MIB1: variants seen among roughly 807,000 people sequenced by gnomAD.
MIB1 encodes the protein MIB E3 ubiquitin protein ligase 1.
A neutral mutation model predicts 124.5 loss-of-function variants in MIB1; 278 were observed. The ratio of observed to expected loss-of-function variants is 2.23; its 90% CI spans 2.02 to 2.47. MIB1 has a LOEUF of 2.47. MIB1 is among the 30% of genes most tolerant of loss of function. MIB1 has a pLI of 0.00. For synonymous variants in MIB1, 446 were observed against 429.4 expected, an observed-to-expected ratio of 1.04 and a Z score of -0.48; for missense variants, 957 against 1,254.4, an observed-to-expected ratio of 0.76 and a Z score of 3.58.
chr18:21,713,732 T>C (rs2040676287), intron 1 of MIB1, among the ~76,000 whole-genome samples: 1 of 149,428 alleles, frequency 6.7e-6, no homozygotes, highest in Non-Finnish European at 1.5e-5. Flanking sequence ...CAGGCATGAG[T>C]TACCATGCCT....
intron 12 of MIB1, among the ~76,000 whole-genome samples, chr18:21,834,316 G>T (rs893060484): frequency 2.0e-5 from 3 of 151,712 alleles, no homozygotes; most frequent in Admixed American, 1.3e-4. Flanking sequence ...ATTTTTTTTT[G>T]AGGGGGTTGG....
intron 1 of MIB1, among the ~76,000 whole-genome samples, chr18:21,717,787 A>G (rs2146356142): frequency 6.6e-6 from 1 of 152,342 alleles, no homozygotes; most frequent in East Asian, 1.9e-4. Flanking sequence ...ACACTTCTAC[A>G]CTGCTGGTGG....
intron 2 of MIB1, among the ~76,000 whole-genome samples, chr18:21,768,295 C>G (rs904710685): frequency 6.6e-6 from 1 of 152,184 alleles, no homozygotes; most frequent in African/African-American, 2.4e-5. Context: ...CTTTGAGACT[C>G]AGTTTCCTCA....
chr18:21,764,825 A>G (rs2041138475), intron 1 of MIB1, among the ~76,000 whole-genome samples: 1 of 152,224 alleles, frequency 6.6e-6, no homozygotes, highest in Non-Finnish European at 1.5e-5. Context: ...ATAAAAGTAA[A>G]TACAGACGGA....
At chr18:21,837,406 G>A (rs1449476262) in intron 12 of MIB1, among the ~76,000 whole-genome samples, 1 of 152,196 alleles carries the variant, frequency 6.6e-6, no homozygotes, top group Non-Finnish European at 1.5e-5. Flanking sequence ...TACTCGGGAG[G>A]CTGAGGCAGG....
At position 21,868,674 on chromosome 18, in the gene MIB1, A is replaced by G. The variant is rs565314443; in HGVS notation, c.*4008A>G. On this transcript the variant is annotated 3_prime_UTR_variant, in exon 21 of 21. Transcript: ENST00000261537. ...TCCCTCAAAAAGGCAACGTTACTTC[A>G]TTTGCTTGAATATTATGATAGGAAT... 6.6e-6 allele frequency: 1 copy of G among 152,526 alleles called. No individual in the cohort carries two copies. The highest frequency in any genetic ancestry group is 2.4e-5 in the African/African-American group (1 of 41,550). 9.4% of individuals were successfully genotyped at this position (152,526 alleles called of 1,614,324 possible).
chr18:21,780,956 T>C (rs1195915335), intron 6 of MIB1, among the ~76,000 whole-genome samples: 1 of 152,216 alleles, frequency 6.6e-6, no homozygotes, highest in African/African-American at 2.4e-5. Context: ...ACCTCCATAC[T>C]GTTTCTCATA....
At chr18:21,790,640 T>C (rs1299427310) in intron 6 of MIB1, among the ~76,000 whole-genome samples, 4 of 152,198 alleles carry the variant, frequency 2.6e-5, no homozygotes, top group Non-Finnish European at 4.4e-5. Flanking sequence ...ATTCAGTGTA[T>C]TGATAGAATG....
intron 20 of MIB1, among the ~76,000 whole-genome samples, chr18:21,863,000 A>G (rs956998886): frequency 6.6e-6 from 1 of 152,090 alleles, no homozygotes; most frequent in Non-Finnish European, 1.5e-5. Flanking sequence ...TTGTTTTGAG[A>G]CAGAGTCCTT....
intron 1 of MIB1, among the ~76,000 whole-genome samples, chr18:21,756,362 A>C (rs1001150224): frequency 3.3e-5 from 5 of 152,248 alleles, no homozygotes; most frequent in Admixed American, 2.0e-4. Flanking sequence ...CATCACCTGT[A>C]AAATGAAATC....
intron 1 of MIB1, among the ~76,000 whole-genome samples, chr18:21,719,120 G>A (rs745823378): frequency 5.9e-5 from 9 of 151,728 alleles, no homozygotes; most frequent in Non-Finnish European, 1.0e-4. Context: ...CCCAGGAGGC[G>A]GAGGTTGCAG....
At chr18:21,801,097 C>G (rs1313938375) in intron 9 of MIB1, among the ~76,000 whole-genome samples, 1 of 151,998 alleles carries the variant, frequency 6.6e-6, no homozygotes, top group Non-Finnish European at 1.5e-5. Context: ...TCTTTCTCAC[C>G]CCTATTTTCC....
At chr18:21,721,158 A>ATTTTT (rs1400884705) in intron 1 of MIB1, among the ~76,000 whole-genome samples, 1 of 73,084 alleles carries the variant, frequency 1.4e-5, no homozygotes. Flanking sequence ...ATTTTAAAGA[A>ATTTTT]GTTTTTTTTT....
At chr18:21,817,010 G>A (rs915963083) in intron 11 of MIB1, among the ~76,000 whole-genome samples, 2 of 151,942 alleles carry the variant, frequency 1.3e-5, no homozygotes, top group African/African-American at 4.8e-5. Flanking sequence ...TGAGAAGAGT[G>A]ATAAGGACTT....
chr18:21,783,247 T>A (rs973932105), intron 6 of MIB1, among the ~76,000 whole-genome samples: 1 of 151,790 alleles, frequency 6.6e-6, no homozygotes, highest in Non-Finnish European at 1.5e-5. Flanking sequence ...TCTATGCCTT[T>A]TTTTTTTTTT....
Position 21,865,367 on chromosome 18 carries a change from T to G in MIB1, c.*701T>G, listed in dbSNP as rs1655115142. On this transcript the variant is annotated 3_prime_UTR_variant, in exon 21 of 21. Transcript: ENST00000261537. ...GACTGATAGACAAGAAAAGGAAAAA[T>G]AAGCAATAATAGTGGGCAACTGAAG... is the stretch of plus-strand genomic sequence containing the variant. 6.6e-6 allele frequency: 1 copy of G among 151,742 alleles called. No homozygotes were observed. Among genetic ancestry groups the G allele is most frequent in the Non-Finnish European group, 1.5e-5 (1 of 67,866 alleles). 9.4% of individuals were successfully genotyped at this position (151,742 alleles called of 1,614,324 possible).
intron 20 of MIB1, 79 bp from the exon 21 acceptor site, chr18:21,864,447 A>G (rs1042589552): frequency 8.7e-7 from 1 of 1,146,644 alleles, no homozygotes; most frequent in African/African-American, 1.5e-5. Flanking sequence ...ACAACTAAAG[A>G]AAATTAATGA....
At chr18:21,734,432 A>G (rs867902728) in intron 1 of MIB1, among the ~76,000 whole-genome samples, 8 of 151,510 alleles carry the variant, frequency 5.3e-5, no homozygotes, top group Admixed American at 1.3e-4. Flanking sequence ...AACAGAATTC[A>G]TGTTGCTCTA....
At chr18:21,815,014 TATA>T (rs1568212897) in intron 10 of MIB1, among the ~76,000 whole-genome samples, 19 of 11,588 alleles carry the variant, frequency 1.6e-3, no homozygotes, top group East Asian at 0.013. Flanking sequence ...GTTGGTTTTA[TATA>T]TATATATATA....
Sources: allele counts gnomAD v4.1 joint callset (sites outside exome capture counted in the v4.1 genomes callset), GRCh38; gene constraint gnomAD v4.1.1; transcripts MANE v1.5; gene names NCBI Gene and HGNC (gene_info 2026-07-23, HGNC 2026-07-21).